FSD2: variants seen among roughly 807,000 people sequenced by gnomAD.
The protein encoded by FSD2 is fibronectin type III and SPRY domain containing 2.
A neutral mutation model predicts 80.4 loss-of-function variants in FSD2; 71 were observed. That is an observed-to-expected ratio of 0.88 (90% CI 0.73 to 1.08). The LOEUF (loss-of-function observed/expected upper bound fraction) is 1.08. Among genes scored for constraint, FSD2 ranks in the 50% least tolerant of loss-of-function variants. The pLI is 0.00. For synonymous variants in FSD2, 361 were observed against 329.5 expected, an observed-to-expected ratio of 1.10 and a Z score of -1.03; for missense variants, 923 against 913.8, an observed-to-expected ratio of 1.01 and a Z score of -0.13.
At chr15:82,804,691 G>T (rs2050488769) in intron 1 of FSD2, among the ~76,000 whole-genome samples, 1 of 152,228 alleles carries the variant, frequency 6.6e-6, no homozygotes, top group Non-Finnish European at 1.5e-5. Flanking sequence ...TCAACCAGAA[G>T]CTGGAATGTG....
At chr15:82,796,580 T>C (rs1465319859) in intron 1 of FSD2, among the ~76,000 whole-genome samples, 1 of 152,166 alleles carries the variant, frequency 6.6e-6, no homozygotes, top group African/African-American at 2.4e-5. Flanking sequence ...AGAGAATAAA[T>C]ATTTGTTGTT....
chr15:82,769,004 T>C lies in FSD2; in HGVS notation c.1429A>G (p.Lys477Glu). Residue 477 changes from lysine to glutamate, a missense_variant, in exon 9 of 13, where the codon AAA becomes GAA. Coordinates refer to ENST00000334574, the MANE Select transcript of FSD2 (RefSeq NM_001007122.4). The stretch of plus-strand genomic sequence containing the variant: ...GCCTCTTCACAGCTCCTTATCTCTT[T>C]GGTTTTAATAATGGGGGGAGAAGGT... Reference protein sequence around the residue: ...TAPSPPIIKTKEIRSCEEAVL... With the variant: ...TAPSPPIIKTEEIRSCEEAVL... 1 of 1,594,568 alleles carries C rather than the reference T, an allele frequency of 6.3e-7. No individual in the cohort carries two copies. The highest frequency in any genetic ancestry group is 8.5e-7 in the Non-Finnish European group (1 of 1,172,198).
At chr15:82,802,796 A>T (rs2050445822) in intron 1 of FSD2, among the ~76,000 whole-genome samples, 1 of 152,124 alleles carries the variant, frequency 6.6e-6, no homozygotes, top group African/African-American at 2.4e-5. Flanking sequence ...CCACCTGGTC[A>T]TGGCAGAGTT....
chr15:82,786,431 C>A, intron 3 of FSD2, 80 bp downstream of exon 3: 1 of 1,060,734 alleles, frequency 9.4e-7, no homozygotes, highest in Non-Finnish European at 1.4e-6. Context: ...GATTCTCTAG[C>A]TCATACCAGA....
At chr15:82,802,403 C>T (rs925518068) in intron 1 of FSD2, among the ~76,000 whole-genome samples, 4 of 152,210 alleles carry the variant, frequency 2.6e-5, no homozygotes, top group African/African-American at 9.7e-5. Flanking sequence ...CATCCTGAAT[C>T]CCTTGTTGTA....
rs1355871333 is a variant in FSD2 at position 82,786,959 on chromosome 15, C to T, written c.432G>A (p.Gln144=). 1 of 1,614,030 alleles carries T rather than the reference C, an allele frequency of 6.2e-7. No homozygotes were observed. The highest frequency in any genetic ancestry group is 2.2e-5 in the East Asian group (1 of 44,872). The change falls in exon 2 of 13, where the codon CAG becomes CAA. Residue 144 remains glutamine (Q), a synonymous_variant. Coordinates refer to ENST00000334574, the MANE Select transcript of FSD2 (RefSeq NM_001007122.4). The part of the protein sequence containing the change: ...FGGWGSAGQC[Q]DLREAYRYTH... ...TGTACCTATAGGCTTCCCGCAAGTC[C>T]TGGCACTGGCCTGCTGAGCCCCACC...
chr15:82,788,522 A>G (rs868137837), intron 1 of FSD2, among the ~76,000 whole-genome samples: 2 of 151,604 alleles, frequency 1.3e-5, no homozygotes, highest in Admixed American at 6.6e-5. Context: ...AAAAAAAAAA[A>G]AAAAAGTGAC....
At position 82,788,326 on chromosome 15, in the gene FSD2, T is replaced by C. The variant is rs147045375; in HGVS notation, c.-78-858A>G. 8.0e-4 allele frequency among the ~76,000 whole-genome samples: 108 copies of C among 134,798 alleles called. 1 individual carries two copies. In the East Asian group the frequency reaches 0.022, roughly 28 times the overall value. The allele number at this position is 134,798 out of a possible 152,430, so 88.4% of individuals were successfully genotyped here. A position where few individuals can be genotyped will look rare whatever the true frequency, so the allele number is the denominator to read the frequency against. ...TCCTGGGCAACATGGCAAGACCCTGTCTCTACCAAAAATACAAAAAAAAAA... is the reference window on the plus strand; with the variant it reads ...TCCTGGGCAACATGGCAAGACCCTGCCTCTACCAAAAATACAAAAAAAAAA... On this transcript the variant is annotated intron_variant, in intron 1 of 12. Coordinates refer to ENST00000334574, the MANE Select transcript of FSD2 (RefSeq NM_001007122.4).
At chr15:82,778,150 A>ATATATG (rs2049765108) in intron 6 of FSD2, among the ~76,000 whole-genome samples, 2 of 138,810 alleles carry the variant, frequency 1.4e-5, no homozygotes, top group Admixed American at 7.2e-5. Flanking sequence ...ATATATATAT[A>ATATATG]TATATATAAT....
In FSD2 at chr15:82,772,761, G is replaced by A. The variant is rs1553884; in HGVS notation, c.1112-533C>T. Among the ~76,000 whole-genome samples, 431 of 152,256 alleles carry A rather than the reference G, an allele frequency of 2.8e-3. 4 individuals are homozygous for A. The highest frequency in any genetic ancestry group is 9.8e-3 in the African/African-American group (409 of 41,538). ...TAAGTTAATTCTTTTCTTCTCTGTA[G>A]GTGAATACTTCTATCTCCCCCACCC... On this transcript the variant is annotated intron_variant, in intron 6 of 12. Transcript: ENST00000334574.
Position 82,805,618 on chromosome 15 carries a change from T to C in FSD2, c.-79+348A>G, listed in dbSNP as rs947549966. On this transcript the variant is annotated intron_variant, in intron 1 of 12. Coordinates refer to ENST00000334574, the MANE Select transcript of FSD2 (RefSeq NM_001007122.4). ...AAAATGTATTTACAACACAATAGTA[T>C]AGCCAGATGATATTCAACATCTATA... is the stretch of plus-strand genomic sequence containing the variant. 3.3e-5 allele frequency among the ~76,000 whole-genome samples: 5 copies of C among 152,332 alleles called. No homozygotes were observed. In the South Asian group the frequency reaches 6.2e-4, roughly 19 times the overall value.
At chr15:82,778,127 CATATATATATAT>C (rs34527251) in intron 6 of FSD2, among the ~76,000 whole-genome samples, 7 of 83,938 alleles carry the variant, frequency 8.3e-5, no homozygotes, top group Admixed American at 1.6e-4. Flanking sequence ...ACAAAAAAAC[CATATATATATAT>C]ATATATATAT....
intron 6 of FSD2, among the ~76,000 whole-genome samples, chr15:82,773,278 G>A (rs2049630831): frequency 6.6e-6 from 1 of 152,172 alleles, no homozygotes; most frequent in African/African-American, 2.4e-5. Context: ...CTTAGTTTTG[G>A]TTCATCCTTT....
chr15:82,782,101 T>TAAA (rs201969949), intron 4 of FSD2, among the ~76,000 whole-genome samples: 5 of 119,726 alleles, frequency 4.2e-5, no homozygotes, highest in African/African-American at 1.4e-4. Context: ...ATAATAATAA[T>TAAA]AATAAAACTC....
chr15:82,800,950 AGAAGCATGTT>A (rs1052969361), intron 1 of FSD2, among the ~76,000 whole-genome samples: 2 of 152,144 alleles, frequency 1.3e-5, no homozygotes, highest in Non-Finnish European at 2.9e-5. Flanking sequence ...TAATATATGA[AGAAGCATGTT>A]GAGCCACTGT....
At position 82,759,211 on chromosome 15, in the gene FSD2, C is replaced by G; in HGVS notation, c.*137G>C. ...CCAGGTTGGGTGAAATGAGCGCTAG[C>G]ACACCAGTCAGATAATAGCATGAGC... On this transcript the variant is annotated 3_prime_UTR_variant, in exon 13 of 13. Coordinates refer to ENST00000334574, the MANE Select transcript of FSD2 (RefSeq NM_001007122.4). 1.1e-6 allele frequency: 1 copy of G among 936,736 alleles called. No individual in the cohort carries two copies. Among genetic ancestry groups the G allele is most frequent in the Non-Finnish European group, 1.6e-6 (1 of 641,906 alleles). 58.0% of individuals were successfully genotyped at this position (936,736 alleles called of 1,614,324 possible).
rs1428904160 is a variant in FSD2, at chr15:82,758,461, T to TC, written c.*886_*887insG. On this transcript the variant is annotated 3_prime_UTR_variant, in exon 13 of 13. Coordinates refer to ENST00000334574, the MANE Select transcript of FSD2 (RefSeq NM_001007122.4). Reference sequence around the variant, plus strand: ...GCCCTTTGGTGGGCTGTTAATTTCTTTTAAAAAATTGTTGTGCATTTGCTA... The same window carrying TC: ...GCCCTTTGGTGGGCTGTTAATTTCTTCTTAAAAAATTGTTGTGCATTTGCTA... 6.5e-6 allele frequency: 1 copy of TC among 153,134 alleles called. No homozygotes were observed. The highest frequency in any genetic ancestry group is 1.5e-5 in the Non-Finnish European group (1 of 68,052). 9.5% of individuals were successfully genotyped at this position (153,134 alleles called of 1,614,324 possible).
At chr15:82,774,018 T>C (rs1372422104) in intron 6 of FSD2, among the ~76,000 whole-genome samples, 2 of 152,156 alleles carry the variant, frequency 1.3e-5, no homozygotes, top group Non-Finnish European at 1.5e-5. Flanking sequence ...AAGCAAGCAG[T>C]TGAAAAATGA....
chr15:82,756,922 G>A lies in FSD2; in HGVS notation c.*2426C>T, dbSNP rs1332985020. 1 of 152,198 alleles carries A rather than the reference G, an allele frequency of 6.6e-6. No homozygotes were observed. The highest frequency in any genetic ancestry group is 1.5e-5 in the Non-Finnish European group (1 of 68,034). The allele number at this position is 152,198 out of a possible 1,614,324, so 9.4% of individuals were successfully genotyped here. On this transcript the variant is annotated 3_prime_UTR_variant, in exon 13 of 13. Coordinates refer to ENST00000334574, the MANE Select transcript of FSD2 (RefSeq NM_001007122.4). ...TTAACAGACTTATCAGCAGGTTGCA[G>A]GTGAACATGGCCTTGAGGTAAATCT...
Sources: gnomAD v4.1 joint callset for allele counts (sites outside exome capture counted in the v4.1 genomes callset) on GRCh38, gnomAD v4.1.1 for gene constraint, MANE v1.5 for transcripts, NCBI Gene and HGNC (gene_info 2026-07-23, HGNC 2026-07-21) for gene names.